TMEM117: variants seen among roughly 807,000 people sequenced by gnomAD.
TMEM117 encodes the protein transmembrane protein 117.
TMEM117 carries 27 observed loss-of-function variants against 52.4 expected under a neutral mutation model. The ratio of observed to expected loss-of-function variants is 0.51; its 90% CI spans 0.38 to 0.71. TMEM117 has a LOEUF of 0.71. TMEM117 is among the 30% of genes least tolerant of loss of function. The pLI is 0.00. For synonymous variants in TMEM117, 215 were observed against 206.3 expected, an observed-to-expected ratio of 1.04 and a Z score of -0.36; for missense variants, 556 against 630.5, an observed-to-expected ratio of 0.88 and a Z score of 1.26.
In TMEM117 at chr12:44,180,365, T is replaced by A. The variant is rs563056760; in HGVS notation, c.511-30925T>A. 8.7e-5 allele frequency among the ~76,000 whole-genome samples: 13 copies of A among 148,936 alleles called. No homozygotes were observed. The East Asian group carries it at 1.9e-3, about 22-fold the overall frequency. ...ACTACCTGACATCTTTTTTTTTTTT[T>A]ATTATACTTTAAGTTTTAGGGTACA... On this transcript the variant is annotated intron_variant, in intron 4 of 7. Coordinates refer to ENST00000266534, the MANE Select transcript of TMEM117 (RefSeq NM_032256.3).
At chr12:44,052,992 G>A (rs925484480) in intron 3 of TMEM117, among the ~76,000 whole-genome samples, 4 of 152,096 alleles carry the variant, frequency 2.6e-5, no homozygotes, top group African/African-American at 9.7e-5. Flanking sequence ...CCTTAGAGGT[G>A]GTGTCCAGGT....
chr12:43,864,130 G>T (rs970478127), intron 2 of TMEM117, among the ~76,000 whole-genome samples: 7 of 152,174 alleles, frequency 4.6e-5, no homozygotes, highest in African/African-American at 1.7e-4. Flanking sequence ...TGCCTCCCTG[G>T]GGGGCAGGGC....
At chr12:44,169,484 C>T (rs1949015160) in intron 4 of TMEM117, among the ~76,000 whole-genome samples, 1 of 152,064 alleles carries the variant, frequency 6.6e-6, no homozygotes, top group East Asian at 1.9e-4. Context: ...TATTGTCCAT[C>T]TGTTTATCTT....
intron 3 of TMEM117, among the ~76,000 whole-genome samples, chr12:44,011,826 G>A (rs908314474): frequency 3.3e-5 from 5 of 151,990 alleles, no homozygotes; most frequent in Admixed American, 2.6e-4. Flanking sequence ...ACCAAACTTC[G>A]TTTTGTTGTC....
At chr12:44,269,827 C>T (rs929866012) in intron 5 of TMEM117, among the ~76,000 whole-genome samples, 5 of 152,010 alleles carry the variant, frequency 3.3e-5, no homozygotes, top group Non-Finnish European at 7.4e-5. Context: ...CCAAACAAAG[C>T]AGAGAAAATT....
At chr12:43,988,107 T>C (rs1945878128) in intron 3 of TMEM117, among the ~76,000 whole-genome samples, 1 of 152,110 alleles carries the variant, frequency 6.6e-6, no homozygotes, top group Non-Finnish European at 1.5e-5. Flanking sequence ...TTACTACCTA[T>C]GGAAAACATG....
chr12:44,123,179 T>C (rs1948265532), intron 3 of TMEM117, among the ~76,000 whole-genome samples: 1 of 152,196 alleles, frequency 6.6e-6, no homozygotes, highest in South Asian at 2.1e-4. Flanking sequence ...CTTTTTTTCA[T>C]GTTTGTTGGC....
intron 5 of TMEM117, among the ~76,000 whole-genome samples, chr12:44,291,915 T>G (rs571830926): frequency 6.6e-6 from 1 of 152,174 alleles, no homozygotes; most frequent in East Asian, 1.9e-4. Context: ...TGTTTGTATT[T>G]ATATTCATTA....
chr12:44,297,098 C>T (rs1439001728), intron 5 of TMEM117, among the ~76,000 whole-genome samples: 1 of 152,178 alleles, frequency 6.6e-6, no homozygotes, highest in East Asian at 1.9e-4. Context: ...TCCTATTCTG[C>T]TATCTTGCTG....
At chr12:44,215,238 G>A (rs1207433227) in intron 5 of TMEM117, among the ~76,000 whole-genome samples, 2 of 152,166 alleles carry the variant, frequency 1.3e-5, no homozygotes, top group African/African-American at 4.8e-5. Flanking sequence ...ACTTGTAGCT[G>A]CTTTAACTCA....
At chr12:43,950,557 A>T (rs1945203668) in intron 3 of TMEM117, among the ~76,000 whole-genome samples, 1 of 151,920 alleles carries the variant, frequency 6.6e-6, no homozygotes, top group Non-Finnish European at 1.5e-5. Context: ...TCAAAAAAAA[A>T]AAGTGTACTT....
intron 3 of TMEM117, among the ~76,000 whole-genome samples, chr12:44,062,091 G>A (rs1223521829): frequency 6.6e-6 from 1 of 152,122 alleles, no homozygotes; most frequent in Non-Finnish European, 1.5e-5. Context: ...TCATTTTGAG[G>A]GATGAGGAAG....
intron 2 of TMEM117, among the ~76,000 whole-genome samples, chr12:43,912,317 A>G: frequency 6.8e-6 from 1 of 147,528 alleles, no homozygotes; most frequent in Non-Finnish European, 1.5e-5. Flanking sequence ...TGGACACAGG[A>G]AGGGGAACAT....
At position 43,861,878 on chromosome 12, in the gene TMEM117, T is replaced by G. The variant is rs542549775; in HGVS notation, c.277+16950T>G. Among the ~76,000 whole-genome samples, 204 of 152,300 alleles carry G rather than the reference T, an allele frequency of 1.3e-3. 2 individuals are homozygous for G. Among genetic ancestry groups the G allele is most frequent in the Non-Finnish European group, 1.8e-4 (12 of 68,018 alleles). On this transcript the variant is annotated intron_variant, in intron 2 of 7. Coordinates refer to ENST00000266534, the MANE Select transcript of TMEM117 (RefSeq NM_032256.3). ...GGGGAAAATATACAATTGTGGTCGG[T>G]CATTCCTGCAATTCATCAGATATTT...
chr12:44,146,345 T>G (rs776009618), intron 4 of TMEM117, among the ~76,000 whole-genome samples: 2 of 152,236 alleles, frequency 1.3e-5, no homozygotes, highest in African/African-American at 4.8e-5. Context: ...GAGAGATTAC[T>G]GCTACATCAC....
intron 3 of TMEM117, among the ~76,000 whole-genome samples, chr12:43,974,857 G>T (rs776037902): frequency 2.0e-5 from 3 of 151,978 alleles, no homozygotes; most frequent in Non-Finnish European, 4.4e-5. Flanking sequence ...GAATAATTTA[G>T]TTTCCTTAGT....
At chr12:44,019,868 T>C (rs191041985) in intron 3 of TMEM117, among the ~76,000 whole-genome samples, 1 of 152,328 alleles carries the variant, frequency 6.6e-6, no homozygotes, top group Admixed American at 6.5e-5. Context: ...TCTTTGATTT[T>C]TCCTCATTCC....
intron 3 of TMEM117, among the ~76,000 whole-genome samples, chr12:43,946,566 C>T (rs1330671938): frequency 6.6e-6 from 1 of 152,070 alleles, no homozygotes; most frequent in Non-Finnish European, 1.5e-5. Flanking sequence ...TGAACATTTA[C>T]ACCAGGCATG....
chr12:44,291,058 A>G (rs901022476), intron 5 of TMEM117, among the ~76,000 whole-genome samples: 1 of 152,148 alleles, frequency 6.6e-6, no homozygotes, highest in African/African-American at 2.4e-5. Flanking sequence ...TAGGGATTAC[A>G]TTGAATCTGT....
Sources: gnomAD v4.1 joint callset for allele counts (sites outside exome capture counted in the v4.1 genomes callset) on GRCh38, gnomAD v4.1.1 for gene constraint, MANE v1.5 for transcripts, NCBI Gene and HGNC (gene_info 2026-07-23, HGNC 2026-07-21) for gene names.